The following GREB1L variants were observed in gnomAD, a reference collection of about 807,000 sequenced individuals.
GREB1L encodes GREB1-like protein.
In GREB1L, 17 loss-of-function variants were observed where a neutral mutation model predicts 200.8. The observed-to-expected ratio is 0.08, with a 90% CI of 0.06 to 0.13. GREB1L has a LOEUF of 0.13. GREB1L is among the 10% of genes least tolerant of loss of function. The pLI is 1.00. For synonymous variants in GREB1L, 789 were observed against 893.0 expected (o/e 0.88, Z 2.08); for missense variants, 1,657 against 2,367.7 (o/e 0.70, Z 6.23).
At chr18:21,409,684 A>G (rs988767781) in intron 7 of GREB1L, among the ~76,000 whole-genome samples, 19 of 152,338 alleles carry the variant, frequency 1.2e-4, no homozygotes, top group Middle Eastern at 3.4e-3. Flanking sequence ...GATGGTAAAC[A>G]GCACAGGGCT....
rs1469911289 is a variant in GREB1L, at chr18:21,508,705, C to T, written c.4735+114C>T. 4.2e-6 allele frequency: 3 copies of T among 713,454 alleles called. No homozygotes were observed. In the East Asian group the frequency reaches 8.3e-5, roughly 20 times the overall value. 44.2% of individuals were successfully genotyped at this position (713,454 alleles called of 1,614,324 possible). On this transcript the variant is annotated intron_variant, in intron 27 of 32. Coordinates refer to ENST00000424526, the MANE Select transcript of GREB1L (RefSeq NM_001142966.3). The stretch of plus-strand genomic sequence containing the variant: ...TCTAGAAATTGTCCTGCCCTCCTCA[C>T]CACTCTTCGGAAAAAAAAAAAAAAA...
chr18:21,437,040 A>C (rs892136824), intron 7 of GREB1L, among the ~76,000 whole-genome samples: 5 of 152,028 alleles, frequency 3.3e-5, no homozygotes, highest in Admixed American at 3.3e-4. Context: ...ATTTTAAGAG[A>C]AGTAGAAGAA....
chr18:21,271,359 T>C (rs2038074995), intron 1 of GREB1L, among the ~76,000 whole-genome samples: 1 of 152,018 alleles, frequency 6.6e-6, no homozygotes, highest in African/African-American at 2.4e-5. Context: ...TCAGAATTAA[T>C]TTATTGACTG....
chr18:21,280,217 C>T (rs73422041), intron 1 of GREB1L, among the ~76,000 whole-genome samples: 244 of 152,318 alleles, frequency 1.6e-3, no homozygotes, highest in African/African-American at 5.5e-3. Context: ...CTCTCCCTCC[C>T]TGTGAGTTCT....
At chr18:21,475,052 C>G (rs2035631950) in intron 16 of GREB1L, among the ~76,000 whole-genome samples, 1 of 152,170 alleles carries the variant, frequency 6.6e-6, no homozygotes, top group South Asian at 2.1e-4. Context: ...TCACTGCACT[C>G]TGGATGAATT....
At chr18:21,262,789 C>T (rs1234008608) in intron 1 of GREB1L, among the ~76,000 whole-genome samples, 2 of 152,100 alleles carry the variant, frequency 1.3e-5, no homozygotes, top group Non-Finnish European at 2.9e-5. Flanking sequence ...GCAGTTTTCT[C>T]TGGGTTCATT....
intron 1 of GREB1L, among the ~76,000 whole-genome samples, chr18:21,307,661 C>T (rs1008550535): frequency 6.6e-6 from 1 of 152,082 alleles, no homozygotes; most frequent in African/African-American, 2.4e-5. Flanking sequence ...CTAAGTCTCC[C>T]TACCCGGGAG....
chr18:21,278,394 A>T (rs2038210000), intron 1 of GREB1L, among the ~76,000 whole-genome samples: 2 of 112,002 alleles, frequency 1.8e-5, no homozygotes, highest in South Asian at 2.5e-4. Flanking sequence ...AAAAAAAAAT[A>T]AATAAATAAA....
intron 18 of GREB1L, among the ~76,000 whole-genome samples, chr18:21,488,617 A>G (rs2036214393): frequency 6.6e-6 from 1 of 152,074 alleles, no homozygotes; most frequent in Admixed American, 6.6e-5. Flanking sequence ...CCAACCTTGG[A>G]CCCAGAGCCC....
chr18:21,385,536 G>A (rs1362151752), intron 4 of GREB1L, among the ~76,000 whole-genome samples: 4 of 152,130 alleles, frequency 2.6e-5, no homozygotes, highest in Non-Finnish European at 5.9e-5. Flanking sequence ...CCTGCCTGTA[G>A]CGCATTATTC....
chr18:21,447,870 G>T (rs2034308623), intron 11 of GREB1L, among the ~76,000 whole-genome samples: 1 of 151,908 alleles, frequency 6.6e-6, no homozygotes, highest in Admixed American at 6.6e-5. Context: ...CAAGTTTTTT[G>T]AGGACAGTAG....
chr18:21,275,442 T>C (rs1241367635), intron 1 of GREB1L, among the ~76,000 whole-genome samples: 1 of 152,060 alleles, frequency 6.6e-6, no homozygotes, highest in Non-Finnish European at 1.5e-5. Context: ...AGTAGCAGTA[T>C]ATATAATAAA....
intron 1 of GREB1L, among the ~76,000 whole-genome samples, chr18:21,308,939 C>T (rs1188224766): frequency 6.6e-6 from 1 of 152,210 alleles, no homozygotes; most frequent in East Asian, 1.9e-4. Context: ...CTCTGTGATT[C>T]TCAAGCGTGA....
intron 7 of GREB1L, among the ~76,000 whole-genome samples, chr18:21,431,547 TC>T (rs1281590105): frequency 2.0e-5 from 3 of 152,214 alleles, no homozygotes; most frequent in Non-Finnish European, 4.4e-5. Flanking sequence ...ATATAGTCTA[TC>T]CTGGAGAATC....
At chr18:21,376,093 TTCTC>T (rs149573179) in intron 2 of GREB1L, among the ~76,000 whole-genome samples, 2 of 149,476 alleles carry the variant, frequency 1.3e-5, no homozygotes, top group African/African-American at 2.4e-5. Context: ...AGGAGGGCAT[TTCTC>T]TCTCTCTCTC....
intron 2 of GREB1L, among the ~76,000 whole-genome samples, chr18:21,369,352 T>C (rs2039788623): frequency 6.6e-6 from 1 of 152,182 alleles, no homozygotes; most frequent in African/African-American, 2.4e-5. Context: ...TCTGGTGACA[T>C]GGTAGAGGTC....
chr18:21,521,663 G>A (rs1159999210), intron 32 of GREB1L, among the ~76,000 whole-genome samples: 1 of 151,928 alleles, frequency 6.6e-6, no homozygotes, highest in Non-Finnish European at 1.5e-5. Context: ...GCATATAGTG[G>A]GCAGAAGCCA....
At chr18:21,487,934 C>G (rs1224613798) in intron 18 of GREB1L, among the ~76,000 whole-genome samples, 5 of 151,650 alleles carry the variant, frequency 3.3e-5, no homozygotes, top group African/African-American at 1.2e-4. Flanking sequence ...TCACTTGAAC[C>G]TGGGAGGCGG....
chr18:21,488,136 C>T (rs2036197401), intron 18 of GREB1L, among the ~76,000 whole-genome samples: 1 of 151,980 alleles, frequency 6.6e-6, no homozygotes, highest in East Asian at 1.9e-4. Context: ...GAAACCCTGT[C>T]TCTACTAAAA....
Sources: gnomAD v4.1 joint callset for allele counts (sites outside exome capture counted in the v4.1 genomes callset) on GRCh38, gnomAD v4.1.1 for gene constraint, MANE v1.5 for transcripts, NCBI Gene and HGNC (gene_info 2026-07-23, HGNC 2026-07-21) for gene names.